The following PPP2R2D variants were observed in gnomAD, a reference collection of about 807,000 sequenced individuals.
PPP2R2D encodes serine/threonine-protein phosphatase 2A 55 kDa regulatory subunit B delta isoform.
Under a neutral mutation model 31.1 loss-of-function variants are expected in PPP2R2D, and 9 were observed. The observed-to-expected ratio is 0.29, with a 90% confidence interval of 0.17 to 0.51. The LOEUF (loss-of-function observed/expected upper bound fraction) is 0.51. PPP2R2D is among the 20% of genes least tolerant of loss of function. PPP2R2D has a pLI of 0.98. For synonymous variants in PPP2R2D, 179 were observed against 172.6 expected, an observed-to-expected ratio of 1.04 and a Z score of -0.29; for missense variants, 391 against 465.6, an observed-to-expected ratio of 0.84 and a Z score of 1.48.
chr10:131,953,458 G>C (rs1289687360), intron 8 of PPP2R2D, among the ~76,000 whole-genome samples: 1 of 120,202 alleles, frequency 8.3e-6, no homozygotes, highest in Non-Finnish European at 1.7e-5. Flanking sequence ...GCAGGTGTGC[G>C]GGGGTTCACT....
intron 3 of PPP2R2D, among the ~76,000 whole-genome samples, chr10:131,938,896 C>T (rs1014991712): frequency 1.1e-4 from 16 of 152,216 alleles, no homozygotes; most frequent in Non-Finnish European, 2.1e-4. Context: ...TGGCTCTCCT[C>T]TAGAGCAGAC....
At chr10:131,967,065 G>C in the PPP2R2D span, 1 of 152,100 alleles carries the variant, frequency 6.6e-6, no homozygotes, top group Admixed American at 6.5e-5. Context: ...ATTTTTATTA[G>C]AGACGGGGTT....
chr10:131,971,228 C>A, the PPP2R2D span: 1 of 491,578 alleles, frequency 2.0e-6, no homozygotes, highest in Non-Finnish European at 3.7e-6. Context: ...GGCGTAAATA[C>A]ATTTGGTTCA....
intron 2 of PPP2R2D, among the ~76,000 whole-genome samples, chr10:131,910,443 C>G (rs1213498136): frequency 6.6e-6 from 1 of 152,202 alleles, no homozygotes; most frequent in Non-Finnish European, 1.5e-5. Flanking sequence ...CTAATTTTCT[C>G]TTGAAAGCTT....
chr10:131,954,795 A>C (rs1241317325), intron 8 of PPP2R2D, among the ~76,000 whole-genome samples: 1 of 152,222 alleles, frequency 6.6e-6, no homozygotes, highest in Non-Finnish European at 1.5e-5. Context: ...CTCACCGCGC[A>C]TGACCATGGG....
intron 2 of PPP2R2D, among the ~76,000 whole-genome samples, chr10:131,914,804 T>A (rs2035748145): frequency 6.6e-6 from 1 of 152,030 alleles, no homozygotes; most frequent in Non-Finnish European, 1.5e-5. Context: ...GGGGAAAGGG[T>A]GGTCACGCCT....
intron 2 of PPP2R2D, among the ~76,000 whole-genome samples, chr10:131,906,732 G>A (rs1053925795): frequency 2.8e-4 from 41 of 148,822 alleles, no homozygotes; most frequent in African/African-American, 9.5e-4. Flanking sequence ...ACCAGCCTGG[G>A]CAACATAGTG....
At chr10:131,924,600 T>A (rs1202948373) in intron 2 of PPP2R2D, among the ~76,000 whole-genome samples, 2 of 152,108 alleles carry the variant, frequency 1.3e-5, no homozygotes, top group Non-Finnish European at 2.9e-5. Flanking sequence ...TCAGGAAGTG[T>A]CAGTCTTCCT....
chr10:131,953,492 GGGGGGTTCACTTAGTGACTTGCA>G, intron 8 of PPP2R2D, among the ~76,000 whole-genome samples: 1 of 113,656 alleles, frequency 8.8e-6, no homozygotes, highest in Non-Finnish European at 1.8e-5. Flanking sequence ...GTGGGTGTGC[GGGGGGTTCACTTAGTGACTTGCA>G]GGTGTGCAGG....
At chr10:131,936,316 T>G (rs1250757629) in intron 3 of PPP2R2D, among the ~76,000 whole-genome samples, 1 of 96,820 alleles carries the variant, frequency 1.0e-5, no homozygotes, top group Non-Finnish European at 2.5e-5. Flanking sequence ...GACCAGCTAA[T>G]TTTTGTATTT....
At position 131,956,485 on chromosome 10, in the gene PPP2R2D, C is replaced by T. The variant is rs1000399391; in HGVS notation, c.*522C>T. ...CGGCCCCACTCACCCACAGCATCCGCCGCCACCCCTTCGGGTGTGAGCGCT... is the reference window on the plus strand; with the variant it reads ...CGGCCCCACTCACCCACAGCATCCGTCGCCACCCCTTCGGGTGTGAGCGCT... On this transcript the variant is annotated 3_prime_UTR_variant, in exon 9 of 9. Coordinates refer to ENST00000455566, the MANE Select transcript of PPP2R2D (RefSeq NM_018461.5). 1 of 985,596 alleles carries T rather than the reference C, an allele frequency of 1.0e-6. No individual in the cohort carries two copies. The highest frequency in any genetic ancestry group is 5.2e-4 in the Middle Eastern group (1 of 1,914). 61.1% of individuals were successfully genotyped at this position (985,596 alleles called of 1,614,324 possible). A position where few individuals can be genotyped will look rare whatever the true frequency, so the allele number is the denominator to read the frequency against.
chr10:131,923,980 G>C (rs562865664), intron 2 of PPP2R2D, among the ~76,000 whole-genome samples: 22 of 152,236 alleles, frequency 1.4e-4, no homozygotes, highest in African/African-American at 5.1e-4. Context: ...GGCTGGTCTT[G>C]AATTCCTGGG....
At chr10:131,932,106 G>C (rs192834237) in intron 2 of PPP2R2D, among the ~76,000 whole-genome samples, 176 of 152,336 alleles carry the variant, frequency 1.2e-3, no homozygotes, top group Non-Finnish European at 3.8e-4. Flanking sequence ...CATGTTCGGC[G>C]GGAGGTCTGA....
intron 2 of PPP2R2D, among the ~76,000 whole-genome samples, chr10:131,928,304 G>A (rs1353609802): frequency 3.9e-5 from 6 of 152,198 alleles, no homozygotes; most frequent in African/African-American, 1.2e-4. Flanking sequence ...TCAGGAAGGG[G>A]CAGTGGCCTC....
At chr10:131,955,611 A>G (rs1589965837) in intron 8 of PPP2R2D, 73 bp from the exon 9 acceptor site, 1 of 1,319,744 alleles carries the variant, frequency 7.6e-7, no homozygotes, top group Admixed American at 3.0e-5. Context: ...TGTGCACCCC[A>G]GGGGTGGGGT....
At chr10:131,918,196 G>A (rs547668561) in intron 2 of PPP2R2D, among the ~76,000 whole-genome samples, 1 of 150,208 alleles carries the variant, frequency 6.7e-6, no homozygotes, top group Non-Finnish European at 1.5e-5. Flanking sequence ...CACAGCGTTT[G>A]TAGGGACCTC....
Position 131,945,741 on chromosome 10 carries a change from G to A in PPP2R2D, c.820+282G>A, listed in dbSNP as rs782065916. 129 of 357,956 alleles carry A rather than the reference G, an allele frequency of 3.6e-4. No homozygotes were observed. The highest frequency in any genetic ancestry group is 3.6e-4 in the East Asian group (7 of 19,566). 22.2% of individuals were successfully genotyped at this position (357,956 alleles called of 1,614,324 possible). A position where few individuals can be genotyped will look rare whatever the true frequency, so the allele number is the denominator to read the frequency against. ...GCTGGGATTACAGGTGTGAGTCACC[G>A]CACCTGGTCACGCCTGGCGTCTTTT... is the stretch of plus-strand genomic sequence containing the variant. On this transcript the variant is annotated intron_variant, in intron 7 of 8. Coordinates refer to ENST00000455566, the MANE Select transcript of PPP2R2D (RefSeq NM_018461.5). The surrounding 1 kb of genome is among the most constrained non-coding windows in gnomAD (Gnocchi z 4.8).
intron 2 of PPP2R2D, among the ~76,000 whole-genome samples, chr10:131,905,773 C>T (rs1195901096): frequency 1.3e-5 from 2 of 152,234 alleles, no homozygotes; most frequent in African/African-American, 4.8e-5. Flanking sequence ...CGACTGGCCG[C>T]AGAGCCGTGG....
chr10:131,919,907 TCAGG>T (rs2035935860), intron 2 of PPP2R2D, among the ~76,000 whole-genome samples: 1 of 146,448 alleles, frequency 6.8e-6, no homozygotes, highest in Non-Finnish European at 1.5e-5. Flanking sequence ...TGTAGGGACC[TCAGG>T]CGGGTGGAAT....
Sources: gnomAD v4.1 joint callset for allele counts (sites outside exome capture counted in the v4.1 genomes callset) on GRCh38, gnomAD v4.1.1 for gene constraint, Gnocchi (gnomAD v3.1) non-coding constraint, MANE v1.5 for transcripts, NCBI Gene and HGNC (gene_info 2026-07-23, HGNC 2026-07-21) for gene names.